Variants in SRRM3 observed in about 807,000 individuals in gnomAD.
SRRM3 encodes serine/arginine repetitive matrix 3, also known as serine/arginine repetitive matrix protein 3.
SRRM3 carries 27 observed loss-of-function variants against 66.2 expected under a neutral mutation model. The observed-to-expected ratio is 0.41, with a 90% CI of 0.30 to 0.56. The LOEUF (loss-of-function observed/expected upper bound fraction) is 0.56, where lower values mean the gene tolerates loss of function less well. Ranked by LOEUF, SRRM3 falls within the 20% of genes least tolerant of loss-of-function variation. The pLI, the probability that SRRM3 is intolerant of heterozygous loss-of-function variation, is 0.32. For missense variants in SRRM3, 918 were observed against 991.9 expected, an observed-to-expected ratio of 0.93 and a Z score of 1.00; for synonymous variants, 391 against 414.9, an observed-to-expected ratio of 0.94 and a Z score of 0.70.
chr7:76,232,313 CAGG>C (rs1801035589), intron 1 of SRRM3, among the ~76,000 whole-genome samples: 1 of 151,972 alleles, frequency 6.6e-6, no homozygotes, highest in South Asian at 2.1e-4. Flanking sequence ...CGCCTGAGGT[CAGG>C]AGTTCAAGAC....
intron 1 of SRRM3, among the ~76,000 whole-genome samples, chr7:76,215,042 C>CAA (rs11357454): frequency 1.1e-3 from 111 of 96,542 alleles, no homozygotes; most frequent in African/African-American, 3.0e-3. Context: ...TATATTCACT[C>CAA]AAAAAAAAAA....
At chr7:76,208,328 A>G (rs991795983) in intron 1 of SRRM3, among the ~76,000 whole-genome samples, 2 of 151,970 alleles carry the variant, frequency 1.3e-5, no homozygotes, top group Non-Finnish European at 2.9e-5. Flanking sequence ...GGATATAATG[A>G]TACTTGCCTC....
intron 1 of SRRM3, among the ~76,000 whole-genome samples, chr7:76,221,119 G>A (rs553470332): frequency 7.1e-4 from 104 of 145,774 alleles, no homozygotes; most frequent in African/African-American, 2.5e-3. Flanking sequence ...GTGCAGTGGC[G>A]CAATCTCAGT....
intron 1 of SRRM3, among the ~76,000 whole-genome samples, chr7:76,220,203 C>T (rs1800674547): frequency 6.6e-6 from 1 of 152,178 alleles, no homozygotes; most frequent in Non-Finnish European, 1.5e-5. Flanking sequence ...CAGTCTCTGC[C>T]CTTGGACAGC....
At chr7:76,226,246 C>T (rs890814971) in intron 1 of SRRM3, among the ~76,000 whole-genome samples, 5 of 152,252 alleles carry the variant, frequency 3.3e-5, no homozygotes, top group Admixed American at 3.3e-4. Context: ...TGTCCACACC[C>T]AGGCTTGCTC....
chr7:76,269,730 G>A (rs1802161922), intron 11 of SRRM3: 1 of 144,202 alleles, frequency 6.9e-6, no homozygotes, highest in South Asian at 2.2e-4. Context: ...TTTTTCTGTT[G>A]TTTTGTTTTT....
At chr7:76,247,566 G>A (rs997939072) in intron 2 of SRRM3, among the ~76,000 whole-genome samples, 1 of 152,172 alleles carries the variant, frequency 6.6e-6, no homozygotes, top group Non-Finnish European at 1.5e-5. Flanking sequence ...GTGGAGGAGG[G>A]TACGGAGGAG....
intron 1 of SRRM3, among the ~76,000 whole-genome samples, chr7:76,223,655 C>G (rs958926344): frequency 6.6e-6 from 1 of 152,164 alleles, no homozygotes; most frequent in Non-Finnish European, 1.5e-5. Flanking sequence ...GGAGGCACAT[C>G]CTTGCCCACC....
chr7:76,202,813 C>G (rs539541693), intron 1 of SRRM3, among the ~76,000 whole-genome samples: 1 of 152,244 alleles, frequency 6.6e-6, no homozygotes, highest in East Asian at 1.9e-4. Flanking sequence ...CCCTCCCTCC[C>G]AGGGCTCCTG....
intron 10 of SRRM3, among the ~76,000 whole-genome samples, chr7:76,265,835 TATATATATATA>T (rs1802002776): frequency 8.4e-5 from 1 of 11,910 alleles, no homozygotes; most frequent in South Asian, 2.6e-3. Flanking sequence ...TATTTATATA[TATATATATATA>T]TATATATATA....
At chr7:76,212,464 C>CT (rs1173761653) in intron 1 of SRRM3, among the ~76,000 whole-genome samples, 3,222 of 98,066 alleles carry the variant, frequency 0.033, 137 homozygotes, top group East Asian at 0.088. Context: ...GCAAGGTCTG[C>CT]TTTTTTTTTT....
At chr7:76,281,222 GTCTCTTTT>G (rs1802491956) in intron 11 of SRRM3, among the ~76,000 whole-genome samples, 1 of 142,364 alleles carries the variant, frequency 7.0e-6, no homozygotes, top group Admixed American at 7.0e-5. Context: ...CTCTCTCTCC[GTCTCTTTT>G]TCTCTGTCTC....
At chr7:76,224,080 T>TG (rs1380123144) in intron 1 of SRRM3, among the ~76,000 whole-genome samples, 1 of 75,270 alleles carries the variant, frequency 1.3e-5, no homozygotes, top group African/African-American at 5.0e-5. Flanking sequence ...CTTCCCTCTT[T>TG]TTTTTTTTTT....
chr7:76,237,332 G>A (rs1481783060), intron 2 of SRRM3, among the ~76,000 whole-genome samples: 7 of 152,218 alleles, frequency 4.6e-5, no homozygotes, highest in South Asian at 2.1e-4. Flanking sequence ...GCTTGAACCC[G>A]GAGGCGGAGG....
intron 3 of SRRM3, among the ~76,000 whole-genome samples, chr7:76,251,439 A>G (rs1368468254): frequency 6.6e-6 from 1 of 151,474 alleles, no homozygotes; most frequent in Non-Finnish European, 1.5e-5. Flanking sequence ...CAGTGGCGCA[A>G]TCTCGGCTCA....
chr7:76,265,430 C>T lies in SRRM3; in HGVS notation c.792C>T (p.Ser264=). Residue 264 remains serine, a synonymous_variant, in exon 10 of 15, where the codon TCC becomes TCT. Coordinates refer to ENST00000611745, the MANE Select transcript of SRRM3 (RefSeq NM_001110199.3). ...RHSSGSSHSP[S]LSSHYSDSRS... ...GCAGTGGCAGCTCCCACAGCCCCTC[C>T]CTCTCCTCCCACTACAGTGATTCCA... 3 of 1,606,348 alleles carry T rather than the reference C, an allele frequency of 1.9e-6. No homozygotes were observed. Among genetic ancestry groups the T allele is most frequent in the Non-Finnish European group, 2.5e-6 (3 of 1,176,692 alleles).
At chr7:76,278,526 C>T (rs1802417611) in intron 11 of SRRM3, among the ~76,000 whole-genome samples, 1 of 152,000 alleles carries the variant, frequency 6.6e-6, no homozygotes, top group Non-Finnish European at 1.5e-5. Context: ...GGGGCCAATC[C>T]AGCCTCCAAC....
intron 12 of SRRM3, 77 bp from the exon 13 acceptor site, chr7:76,282,571 G>GGCCCCCCCCCCCCCCCCCCC: frequency 2.2e-5 from 2 of 92,252 alleles, no homozygotes; most frequent in Non-Finnish European, 3.6e-5. Context: ...CCTAAGCCCC[G>GGCCCCCCCCCCCCCCCCCCC]CCCCAGGGAA....
At chr7:76,256,675 T>C (rs1404878457) in intron 3 of SRRM3, among the ~76,000 whole-genome samples, 1 of 151,646 alleles carries the variant, frequency 6.6e-6, no homozygotes, top group Non-Finnish European at 1.5e-5. Flanking sequence ...GTCACTCTCA[T>C]CACCATCTTG....
Sources: gnomAD v4.1 joint callset for allele counts (sites outside exome capture counted in the v4.1 genomes callset) on GRCh38, gnomAD v4.1.1 for gene constraint, MANE v1.5 for transcripts, NCBI Gene and HGNC (gene_info 2026-07-23, HGNC 2026-07-21) for gene names.